OPALIN: variants seen among roughly 807,000 people sequenced by gnomAD.
OPALIN encodes the protein oligodendrocytic myelin paranodal and inner loop protein.
OPALIN carries 15 observed loss-of-function variants against 17.8 expected under a neutral mutation model. The ratio of observed to expected loss-of-function variants is 0.84; its 90% CI spans 0.56 to 1.29. The LOEUF (loss-of-function observed/expected upper bound fraction) is 1.29, where lower values mean the gene tolerates loss of function less well. Ranked by LOEUF, OPALIN falls within the 50% of genes most tolerant of loss-of-function variation. The pLI, the probability that OPALIN is intolerant of heterozygous loss-of-function variation, is 0.00. For missense variants in OPALIN, 170 were observed against 176.0 expected (o/e 0.97, Z 0.19); for synonymous variants, 62 against 63.8 (o/e 0.97, Z 0.14).
In OPALIN at chr10:96,344,891, A is replaced by G. The variant is rs970268159; in HGVS notation, c.*1050T>C. 1 of 152,328 alleles carries G rather than the reference A, an allele frequency of 6.6e-6. No homozygotes were observed. The highest frequency in any genetic ancestry group is 1.9e-4 in the East Asian group (1 of 5,186). 9.4% of individuals were successfully genotyped at this position (152,328 alleles called of 1,614,324 possible). ...TTAATATGAAACATGAATTTCCATC[A>G]ACATTAACATCTTTAAGGTTAAATG... On this transcript the variant is annotated 3_prime_UTR_variant, in exon 6 of 6. Transcript: ENST00000371172.
chr10:96,348,654 A>T (rs534599326), intron 4 of OPALIN, among the ~76,000 whole-genome samples: 20 of 152,352 alleles, frequency 1.3e-4, no homozygotes, highest in Admixed American at 5.2e-4. Flanking sequence ...TATGTTTGAA[A>T]TTATAATTAA....
chr10:96,345,960 G>A lies in OPALIN; in HGVS notation c.407C>T (p.Pro136Leu). 1 of 1,613,986 alleles carries A rather than the reference G, an allele frequency of 6.2e-7. No individual in the cohort carries two copies. Among genetic ancestry groups the A allele is most frequent in the South Asian group, 1.1e-5 (1 of 91,048 alleles). Reference protein sequence around the residue: ...ERRRGLWWLVPRLSLE With the variant: ...ERRRGLWWLVLRLSLE ...GCTGCATCATTCCAGGCTCAGTCTGGGCACAAGCCACCACAATCCCCTCCT... is the reference window on the plus strand; with the variant it reads ...GCTGCATCATTCCAGGCTCAGTCTGAGCACAAGCCACCACAATCCCCTCCT... The change falls in exon 6 of 6, where the codon CCC becomes CTC. Residue 136 changes from proline to leucine, a missense_variant. Transcript: ENST00000371172.
chr10:96,345,916 T>C lies in OPALIN; in HGVS notation c.*25A>G. Reference sequence around the variant, plus strand: ...TTTTCAACCCTGTTCCAGTGCCAGGTCTGCTGCTCCTTGACTGAGCTGCAT... The same window carrying C: ...TTTTCAACCCTGTTCCAGTGCCAGGCCTGCTGCTCCTTGACTGAGCTGCAT... On this transcript the variant is annotated 3_prime_UTR_variant, in exon 6 of 6. Transcript: ENST00000371172. 1.2e-6 allele frequency: 2 copies of C among 1,610,030 alleles called. No homozygotes were observed. Among genetic ancestry groups the C allele is most frequent in the Non-Finnish European group, 8.5e-7 (1 of 1,177,340 alleles).
rs1845276647 is a variant in OPALIN, at chr10:96,345,540, C to T, written c.*401G>A. On this transcript the variant is annotated 3_prime_UTR_variant, in exon 6 of 6. Coordinates refer to ENST00000371172, the MANE Select transcript of OPALIN (RefSeq NM_033207.5). ...TAAGTTTCATTTGTATCCCAACTTGCACCAGGCTGACCTCAGCAACACTTC... is the reference window on the plus strand; with the variant it reads ...TAAGTTTCATTTGTATCCCAACTTGTACCAGGCTGACCTCAGCAACACTTC... 1 of 162,848 alleles carries T rather than the reference C, an allele frequency of 6.1e-6. No individual in the cohort carries two copies. The highest frequency in any genetic ancestry group is 2.4e-5 in the African/African-American group (1 of 41,758). 10.1% of individuals were successfully genotyped at this position (162,848 alleles called of 1,614,324 possible).
In OPALIN at chr10:96,344,624, T is replaced by G. The variant is rs1845233425; in HGVS notation, c.*1317A>C. On this transcript the variant is annotated 3_prime_UTR_variant, in exon 6 of 6. Coordinates refer to ENST00000371172, the MANE Select transcript of OPALIN (RefSeq NM_033207.5). ...CAACACCACTTGAAGTAGCCTCTCC[T>G]TTTCCATTTGGCCTCCTTGGAGACA... 1 of 152,144 alleles carries G rather than the reference T, an allele frequency of 6.6e-6. No individual in the cohort carries two copies. The highest frequency in any genetic ancestry group is 1.5e-5 in the Non-Finnish European group (1 of 68,044). The allele number at this position is 152,144 out of a possible 1,614,324, so 9.4% of individuals were successfully genotyped here. A position where few individuals can be genotyped will look rare whatever the true frequency, so the allele number is the denominator to read the frequency against.
intron 3 of OPALIN, 69 bp downstream of exon 3, chr10:96,351,309 A>G (rs1589388635): frequency 1.0e-6 from 1 of 989,848 alleles, no homozygotes. Flanking sequence ...TTAAAGCTCA[A>G]AACAAATGCT....
At chr10:96,353,417 G>C (rs1474297091) in intron 2 of OPALIN, 1 of 1,613,606 alleles carries the variant, frequency 6.2e-7, no homozygotes, top group South Asian at 1.1e-5. Flanking sequence ...TTATGCAGTA[G>C]AAATGTGACT....
In OPALIN at chr10:96,345,786, C is replaced by G. The variant is rs574092871; in HGVS notation, c.*155G>C. On this transcript the variant is annotated 3_prime_UTR_variant, in exon 6 of 6. Transcript: ENST00000371172. ...GGAATTAACCATGTTGGGGATGTCC[C>G]CTAAAGAGACAAATCAGCCCCAAAG... 5.9e-6 allele frequency: 4 copies of G among 677,376 alleles called. 1 individual carries two copies. In the East Asian group the frequency reaches 1.1e-4, roughly 18 times the overall value. The allele number at this position is 677,376 out of a possible 1,614,324, so 42.0% of individuals were successfully genotyped here. A position where few individuals can be genotyped will look rare whatever the true frequency, so the allele number is the denominator to read the frequency against.
chr10:96,351,065 C>T (rs1845559725), intron 3 of OPALIN, among the ~76,000 whole-genome samples: 1 of 152,218 alleles, frequency 6.6e-6, no homozygotes, highest in Non-Finnish European at 1.5e-5. Context: ...CTTCCAGCCT[C>T]CTTGTGCGTG....
intron 1 of OPALIN, among the ~76,000 whole-genome samples, chr10:96,358,600 AAGAC>A (rs1845902642): frequency 1.3e-5 from 2 of 152,338 alleles, no homozygotes; most frequent in African/African-American, 4.8e-5. Flanking sequence ...TTAAACAAGT[AAGAC>A]AGATAAAATC....
At chr10:96,349,661 A>G (rs1845487898) in intron 4 of OPALIN, 46 bp downstream of exon 4, 1 of 1,587,252 alleles carries the variant, frequency 6.3e-7, no homozygotes, top group African/African-American at 1.4e-5. Context: ...TCACTGAAAT[A>G]CTGGTGGCTG....
intron 1 of OPALIN, among the ~76,000 whole-genome samples, chr10:96,355,892 A>C (rs1845798479): frequency 6.6e-6 from 1 of 152,036 alleles, no homozygotes; most frequent in Non-Finnish European, 1.5e-5. Context: ...AGATGGTCTC[A>C]CCTCTCCCGC....
In OPALIN at chr10:96,351,421, A is replaced by G; in HGVS notation, c.40-11T>C. The stretch of plus-strand genomic sequence containing the variant: ...GACAGGAGAGGACGTCTGTATGGAA[A>G]AAGAACATATATTGTAAAAGAACAA... On this transcript the variant is annotated splice_polypyrimidine_tract_variant and intron_variant, in intron 2 of 5. Coordinates refer to ENST00000371172, the MANE Select transcript of OPALIN (RefSeq NM_033207.5). 1 of 1,530,902 alleles carries G rather than the reference A, an allele frequency of 6.5e-7. No homozygotes were observed. Among genetic ancestry groups the G allele is most frequent in the Non-Finnish European group, 8.8e-7 (1 of 1,132,030 alleles). 94.8% of individuals were successfully genotyped at this position (1,530,902 alleles called of 1,614,324 possible).
chr10:96,356,748 T>G (rs1045143592), intron 1 of OPALIN, among the ~76,000 whole-genome samples: 1 of 152,214 alleles, frequency 6.6e-6, no homozygotes. Flanking sequence ...ATTATGTCCT[T>G]CAATCAACGT....
At chr10:96,355,667 A>C (rs916805613) in intron 1 of OPALIN, among the ~76,000 whole-genome samples, 3 of 152,230 alleles carry the variant, frequency 2.0e-5, no homozygotes, top group Admixed American at 2.0e-4. Context: ...TGAGACAGAA[A>C]ACTGTTGAAT....
intron 2 of OPALIN, among the ~76,000 whole-genome samples, chr10:96,353,652 C>T (rs1463795994): frequency 6.6e-6 from 1 of 152,184 alleles, no homozygotes; most frequent in East Asian, 1.9e-4. Context: ...ACCCCCACTC[C>T]CCAAGAAATG....
chr10:96,356,568 T>C (rs200897886), intron 1 of OPALIN, among the ~76,000 whole-genome samples: 7 of 152,108 alleles, frequency 4.6e-5, no homozygotes, highest in Non-Finnish European at 8.8e-5. Flanking sequence ...ACCCGAAAGA[T>C]GGTAACAGAG....
At chr10:96,353,324 A>C in intron 2 of OPALIN, 1 of 1,551,376 alleles carries the variant, frequency 6.4e-7, no homozygotes, top group Non-Finnish European at 8.8e-7. Context: ...CTTCCCGCAG[A>C]GAGGGATCCA....
intron 3 of OPALIN, among the ~76,000 whole-genome samples, chr10:96,350,539 A>T (rs1480487002): frequency 6.6e-6 from 1 of 152,202 alleles, no homozygotes; most frequent in African/African-American, 2.4e-5. Flanking sequence ...AATATGAATT[A>T]AAAAAATTTA....
Sources: gnomAD v4.1 joint callset for allele counts (sites outside exome capture counted in the v4.1 genomes callset) on GRCh38, gnomAD v4.1.1 for gene constraint, MANE v1.5 for transcripts, NCBI Gene and HGNC (gene_info 2026-07-23, HGNC 2026-07-21) for gene names.